The following LRFN2 variants were observed in gnomAD, a reference collection of about 807,000 sequenced individuals.
LRFN2 encodes the protein leucine rich repeat and fibronectin type III domain containing 2, also known as leucine-rich repeat and fibronectin type-III domain-containing protein 2.
Under a neutral mutation model 37.3 loss-of-function variants are expected in LRFN2, and 18 were observed. The ratio of observed to expected loss-of-function variants is 0.48; its 90% CI spans 0.33 to 0.72. The LOEUF is 0.72. Ranked by LOEUF, LRFN2 falls within the 30% of genes least tolerant of loss-of-function variation. LRFN2 has a pLI of 0.02. For missense variants in LRFN2, 1,006 were observed against 1,060.7 expected (o/e 0.95, Z 0.72); for synonymous variants, 556 against 466.6 (o/e 1.19, Z -2.47).
intron 2 of LRFN2, among the ~76,000 whole-genome samples, chr6:40,410,400 C>T (rs1470630728): frequency 1.3e-5 from 2 of 152,088 alleles, no homozygotes; most frequent in Non-Finnish European, 2.9e-5. Flanking sequence ...GCAGCACGTC[C>T]CTGACCCCGA....
intron 1 of LRFN2, among the ~76,000 whole-genome samples, chr6:40,541,046 G>A (rs1206995957): frequency 1.3e-5 from 2 of 152,168 alleles, no homozygotes; most frequent in Non-Finnish European, 2.9e-5. Flanking sequence ...TTCTGCAGCA[G>A]AACTGCTGTG....
At position 40,547,105 on chromosome 6, in the gene LRFN2, CTT is replaced by C. The variant is rs71307603; in HGVS notation, c.-19+39834_-19+39835del. Among the ~76,000 whole-genome samples the C allele has an allele frequency of 5.5e-3, 772 of 139,308 alleles. 7 individuals are homozygous for C. Among genetic ancestry groups the C allele is most frequent in the African/African-American group, 0.018 (684 of 38,220 alleles). The allele number at this position is 139,308 out of a possible 152,430, so 91.4% of individuals were successfully genotyped here. A position where few individuals can be genotyped will look rare whatever the true frequency, so the allele number is the denominator to read the frequency against. ...TAAAAAAAATGGCAATAATGCAAAT[CTT>C]TTTTTTTTTTTTTTGAGATAGAGTT... On this transcript the variant is annotated intron_variant, in intron 1 of 2. Transcript: ENST00000338305.
At chr6:40,557,450 A>G (rs1220459043) in intron 1 of LRFN2, among the ~76,000 whole-genome samples, 1 of 152,194 alleles carries the variant, frequency 6.6e-6, no homozygotes, top group African/African-American at 2.4e-5. Context: ...ACAGGAAGAT[A>G]AGACCTACAG....
chr6:40,555,136 G>A (rs1157553549), intron 1 of LRFN2, among the ~76,000 whole-genome samples: 1 of 152,258 alleles, frequency 6.6e-6, no homozygotes, highest in African/African-American at 2.4e-5. Flanking sequence ...AATTAAAAGC[G>A]CTCTGCTGGG....
At chr6:40,427,120 A>G (rs138033789) in intron 2 of LRFN2, among the ~76,000 whole-genome samples, 65 of 152,376 alleles carry the variant, frequency 4.3e-4, no homozygotes, top group African/African-American at 1.4e-3. Flanking sequence ...ATAGATGATT[A>G]ATTGATTGAT....
At chr6:40,581,358 C>T (rs993140980) in intron 1 of LRFN2, among the ~76,000 whole-genome samples, 4 of 152,126 alleles carry the variant, frequency 2.6e-5, no homozygotes, top group African/African-American at 7.2e-5. Context: ...AAACCACAGG[C>T]GAGGACAGGA....
Position 40,477,578 on chromosome 6 carries a change from G to A in LRFN2, c.-18-44447C>T, listed in dbSNP as rs73732679. On this transcript the variant is annotated intron_variant, in intron 1 of 2. Coordinates refer to ENST00000338305, the MANE Select transcript of LRFN2 (RefSeq NM_020737.3). ...AAATGAGGCTCCAGAATGGCGCTGA[G>A]TGCATGTTTTCCCAGCACATCACCT... is the stretch of plus-strand genomic sequence containing the variant. Among the ~76,000 whole-genome samples the A allele has an allele frequency of 6.1e-3, 932 of 152,302 alleles. 12 individuals carry two copies. The highest frequency in any genetic ancestry group is 0.021 in the African/African-American group (883 of 41,548).
rs574586474 is a variant in LRFN2 at position 40,432,845 on chromosome 6, T to C, written c.269A>G (p.His90Arg). Reference protein sequence around the residue: ...DLTLSRNTISHIQPFSFLDLE... With the variant: ...DLTLSRNTISRIQPFSFLDLE... ...GTCCAGAAAGGAAAAGGGCTGGATGTGGCTGATGGTGTTCCTGGACAGGGT... is the reference window on the plus strand; with the variant it reads ...GTCCAGAAAGGAAAAGGGCTGGATGCGGCTGATGGTGTTCCTGGACAGGGT... Residue 90 changes from histidine (H) to arginine (R), a missense_variant, in exon 2 of 3, where the codon CAC (histidine) becomes CGC (arginine). Around this residue, in one of 4 missense-constraint regions of LRFN2, gnomAD observed 185 missense variants for 254.9 expected, o/e 0.73. Coordinates refer to ENST00000338305, the MANE Select transcript of LRFN2 (RefSeq NM_020737.3). 6 of 1,614,242 alleles carry C rather than the reference T, an allele frequency of 3.7e-6. No homozygotes were observed. The South Asian group carries it at 6.6e-5, about 18-fold the overall frequency.
intron 1 of LRFN2, among the ~76,000 whole-genome samples, chr6:40,438,432 A>G (rs1364552630): frequency 6.6e-6 from 1 of 152,192 alleles, no homozygotes; most frequent in Non-Finnish European, 1.5e-5. Context: ...GCAGTGAGCA[A>G]CTTGCCCCAC....
At chr6:40,459,723 A>G (rs1243260955) in intron 1 of LRFN2, among the ~76,000 whole-genome samples, 1 of 152,222 alleles carries the variant, frequency 6.6e-6, no homozygotes, top group Non-Finnish European at 1.5e-5. Flanking sequence ...GATGCTTGGC[A>G]CTATGTGCCT....
At chr6:40,504,614 G>T (rs1004143998) in intron 1 of LRFN2, among the ~76,000 whole-genome samples, 1 of 152,098 alleles carries the variant, frequency 6.6e-6, no homozygotes, top group Admixed American at 6.5e-5. Context: ...GACAGTGAAG[G>T]TCAGAAGGAA....
chr6:40,566,182 G>A lies in LRFN2; in HGVS notation c.-19+20759C>T, dbSNP rs145413169. Among the ~76,000 whole-genome samples the A allele has an allele frequency of 8.0e-3, 1,219 of 152,242 alleles. 10 individuals carry two copies. Among genetic ancestry groups the A allele is most frequent in the African/African-American group, 0.027 (1,131 of 41,514 alleles). ...GAGAAATGCAAATCAAAACCACAAC[G>A]AGATACCATCTCACACCAGTTAGAA... On this transcript the variant is annotated intron_variant, in intron 1 of 2. Coordinates refer to ENST00000338305, the MANE Select transcript of LRFN2 (RefSeq NM_020737.3).
At chr6:40,455,998 T>C (rs2113846639) in intron 1 of LRFN2, among the ~76,000 whole-genome samples, 1 of 152,206 alleles carries the variant, frequency 6.6e-6, no homozygotes, top group East Asian at 1.9e-4. Context: ...TAGCATGTTG[T>C]GGAGAAGGCC....
At position 40,572,877 on chromosome 6, in the gene LRFN2, T is replaced by A. The variant is rs1767212178; in HGVS notation, c.-19+14064A>T. Among the ~76,000 whole-genome samples, 3 of 152,186 alleles carry A rather than the reference T, an allele frequency of 2.0e-5. No individual in the cohort carries two copies. In the South Asian group the frequency reaches 6.2e-4, roughly 32 times the overall value. ...GTTCATTCTGCAACAAGGTGCCTCCTCTACCTGCTGGGGGAAGGATCGGAT... is the reference window on the plus strand; with the variant it reads ...GTTCATTCTGCAACAAGGTGCCTCCACTACCTGCTGGGGGAAGGATCGGAT... On this transcript the variant is annotated intron_variant, in intron 1 of 2. Transcript: ENST00000338305.
intron 1 of LRFN2, among the ~76,000 whole-genome samples, chr6:40,505,548 G>A (rs866351774): frequency 6.6e-6 from 1 of 152,208 alleles, no homozygotes; most frequent in Non-Finnish European, 1.5e-5. Flanking sequence ...ATTAAAACAT[G>A]AAATTGGGAA....
chr6:40,392,903 T>A lies in LRFN2; in HGVS notation c.1410A>T (p.Pro470=), dbSNP rs878858931. Residue 470 remains proline, a synonymous_variant, in exon 3 of 3, where the codon CCA becomes CCT. Transcript: ENST00000338305. This position sits in a 1 kb window ranked among gnomAD's most constrained non-coding sequence, Gnocchi z 4.7. Reference sequence around the variant, plus strand: ...TGACCACGAAGGCCTTGTTGGAGGCTGGGATCATCCTGGGGAGGGAGGTGG... The same window carrying A: ...TGACCACGAAGGCCTTGTTGGAGGCAGGGATCATCCTGGGGAGGGAGGTGG... ...DDEVLIYRMI[P]ASNKAFVVNN... 1 of 1,602,218 alleles carries A rather than the reference T, an allele frequency of 6.2e-7. No individual in the cohort carries two copies. Among genetic ancestry groups the A allele is most frequent in the Non-Finnish European group, 8.5e-7 (1 of 1,175,598 alleles).
chr6:40,513,819 A>G (rs1199054408), intron 1 of LRFN2, among the ~76,000 whole-genome samples: 3 of 152,102 alleles, frequency 2.0e-5, no homozygotes, highest in Admixed American at 6.5e-5. Context: ...GAAACTTCCC[A>G]AAACTGATAT....
At chr6:40,398,178 A>G (rs1561838354) in intron 2 of LRFN2, among the ~76,000 whole-genome samples, 1 of 151,742 alleles carries the variant, frequency 6.6e-6, no homozygotes, top group Non-Finnish European at 1.5e-5. Context: ...TCGTAGGAGG[A>G]CAATCCCAGG....
chr6:40,537,683 A>G (rs1766476038), intron 1 of LRFN2, among the ~76,000 whole-genome samples: 1 of 152,110 alleles, frequency 6.6e-6, no homozygotes, highest in South Asian at 2.1e-4. Context: ...CCACCAGACC[A>G]CAAGCTCCAC....
Sources: gnomAD v4.1 joint callset for allele counts (sites outside exome capture counted in the v4.1 genomes callset) on GRCh38, gnomAD v4.1.1 for gene constraint, gnomAD v4.1.1 regional missense constraint, Gnocchi (gnomAD v3.1) non-coding constraint, MANE v1.5 for transcripts, NCBI Gene and HGNC (gene_info 2026-07-23, HGNC 2026-07-21) for gene names.